The following DLC1 variants were observed in gnomAD, a reference collection of about 807,000 sequenced individuals.
The protein encoded by DLC1 is DLC1 Rho GTPase activating protein.
DLC1 carries 54 observed loss-of-function variants against 140.3 expected under a neutral mutation model. The observed-to-expected ratio is 0.38, with a 90% CI of 0.31 to 0.48. DLC1 has a LOEUF of 0.48. Ranked by LOEUF, DLC1 falls within the 20% of genes least tolerant of loss-of-function variation. DLC1 has a pLI of 0.96. For missense variants in DLC1, 2,536 were observed against 1,907.0 expected, an observed-to-expected ratio of 1.33 and a Z score of -6.14; for synonymous variants, 986 against 728.1, an observed-to-expected ratio of 1.35 and a Z score of -5.70.
chr8:13,116,255 A>T, intron 5 of DLC1: 2 of 984,476 alleles, frequency 2.0e-6, no homozygotes, highest in Non-Finnish European at 2.4e-6. Flanking sequence ...AAATCCCACA[A>T]TCTTGGCAGG....
intron 2 of DLC1, among the ~76,000 whole-genome samples, chr8:13,494,777 C>G (rs919717523): frequency 1.3e-5 from 2 of 151,990 alleles, no homozygotes; most frequent in African/African-American, 4.8e-5. Flanking sequence ...ATGGCGAAAC[C>G]CCATGTCTAC....
chr8:13,500,025 T>C lies in DLC1; in HGVS notation c.47A>G (p.His16Arg). ...RKRSWEEHVT[H>R]WMGQPFNSDD... is the part of the protein sequence containing the mutation. The stretch of plus-strand genomic sequence containing the variant: ...AGAATTAAAAGGCTGTCCCATCCAG[T>C]GGGTCACATGTTCTTCCCAGCTTCT... The change falls in exon 2 of 18, where the codon CAC becomes CGC. Residue 16 changes from histidine to arginine, a missense_variant. Transcript: ENST00000276297. 6.2e-7 allele frequency: 1 copy of C among 1,614,100 alleles called. No individual in the cohort carries two copies. The highest frequency in any genetic ancestry group is 8.5e-7 in the Non-Finnish European group (1 of 1,179,958).
At chr8:13,438,633 G>A (rs1269859628) in intron 2 of DLC1, among the ~76,000 whole-genome samples, 1 of 152,096 alleles carries the variant, frequency 6.6e-6, no homozygotes, top group African/African-American at 2.4e-5. Context: ...ATTCACAGCT[G>A]TTTTCCAAAC....
At chr8:13,402,274 C>T (rs973065434) in intron 2 of DLC1, among the ~76,000 whole-genome samples, 3 of 152,166 alleles carry the variant, frequency 2.0e-5, no homozygotes, top group African/African-American at 7.2e-5. Flanking sequence ...CTCTGTACTA[C>T]AGACATATGT....
intron 5 of DLC1, among the ~76,000 whole-genome samples, chr8:13,304,388 T>C (rs1371257977): frequency 6.6e-5 from 10 of 152,084 alleles, no homozygotes; most frequent in Non-Finnish European, 1.5e-4. Context: ...GAGAGAAAAG[T>C]TTAGCTCACA....
Position 13,348,708 on chromosome 8 carries a change from A to T in DLC1, c.1315-43406T>A, listed in dbSNP as rs115905485. Among the ~76,000 whole-genome samples, 857 of 152,298 alleles carry T rather than the reference A, an allele frequency of 5.6e-3. 5 individuals are homozygous for T. Among genetic ancestry groups the T allele is most frequent in the Middle Eastern group, 0.024 (7 of 294 alleles). ...TCAAAACACATTATAGTGAAGAAGG[A>T]AGAAAGAAAGAAAATGAATACATGA... On this transcript the variant is annotated intron_variant, in intron 4 of 17. Transcript: ENST00000276297.
intron 5 of DLC1, among the ~76,000 whole-genome samples, chr8:13,279,151 C>G (rs1265850776): frequency 6.6e-6 from 1 of 152,146 alleles, no homozygotes; most frequent in Non-Finnish European, 1.5e-5. Context: ...TAGGGTGTGG[C>G]AGAATCCTGA....
chr8:13,507,793 A>G (rs1387231390), intron 1 of DLC1, among the ~76,000 whole-genome samples: 2 of 152,194 alleles, frequency 1.3e-5, no homozygotes, highest in African/African-American at 4.8e-5. Context: ...TTACCAAATT[A>G]AAGAATAAGT....
chr8:13,142,720 C>A (rs1310338577), intron 5 of DLC1, among the ~76,000 whole-genome samples: 1 of 152,070 alleles, frequency 6.6e-6, no homozygotes, highest in Admixed American at 6.5e-5. Flanking sequence ...CTATTCTGAA[C>A]CCATGTACCC....
intron 5 of DLC1, among the ~76,000 whole-genome samples, chr8:13,185,288 T>TTTTGTTTG (rs555796835): frequency 8.0e-4 from 116 of 144,464 alleles, no homozygotes; most frequent in African/African-American, 2.9e-3. Flanking sequence ...TTTCTGTTTT[T>TTTTGTTTG]TTTGTTTGTT....
intron 1 of DLC1, among the ~76,000 whole-genome samples, chr8:13,511,704 T>A (rs1802375117): frequency 6.6e-6 from 1 of 152,150 alleles, no homozygotes; most frequent in South Asian, 2.1e-4. Flanking sequence ...TCCCTTGTCC[T>A]CTTCCAATTC....
intron 5 of DLC1, among the ~76,000 whole-genome samples, chr8:13,188,713 C>G (rs560431466): frequency 7.1e-6 from 1 of 141,074 alleles, no homozygotes; most frequent in African/African-American, 2.6e-5. Context: ...TCAGTTCAAA[C>G]AATTCTCTTG....
intron 2 of DLC1, among the ~76,000 whole-genome samples, chr8:13,426,672 T>C (rs923084053): frequency 3.7e-4 from 56 of 152,298 alleles, no homozygotes; most frequent in African/African-American, 1.3e-3. Flanking sequence ...GCAACATAGA[T>C]TTAGAAATCA....
intron 5 of DLC1, among the ~76,000 whole-genome samples, chr8:13,181,413 G>C (rs1013532405): frequency 6.6e-6 from 1 of 150,466 alleles, no homozygotes; most frequent in African/African-American, 2.5e-5. Flanking sequence ...GGTATACATG[G>C]GCCATGTTGC....
chr8:13,387,392 G>C (rs289523), intron 4 of DLC1, among the ~76,000 whole-genome samples: 128,217 of 151,916 alleles, frequency 0.84, 54,269 homozygotes, highest in East Asian at 0.98. Flanking sequence ...TATAGTATAT[G>C]ATAACATGGT....
chr8:13,329,671 A>T (rs1238098364), intron 4 of DLC1, among the ~76,000 whole-genome samples: 1 of 152,120 alleles, frequency 6.6e-6, no homozygotes, highest in Non-Finnish European at 1.5e-5. Context: ...CTAATGCAGA[A>T]TTTTTCTGAT....
intron 5 of DLC1, among the ~76,000 whole-genome samples, chr8:13,274,993 A>C (rs1831102263): frequency 6.6e-6 from 1 of 152,256 alleles, no homozygotes; most frequent in Admixed American, 6.5e-5. Context: ...TAAATAAAAA[A>C]TCATATTGGA....
intron 2 of DLC1, among the ~76,000 whole-genome samples, chr8:13,484,783 A>G (rs927686331): frequency 6.6e-6 from 1 of 151,974 alleles, no homozygotes; most frequent in Admixed American, 6.6e-5. Flanking sequence ...CCTGGAGGCC[A>G]TCTGTCATAT....
chr8:13,361,454 A>G (rs1835221602), intron 4 of DLC1, among the ~76,000 whole-genome samples: 1 of 151,668 alleles, frequency 6.6e-6, no homozygotes, highest in Admixed American at 6.6e-5. Context: ...ATCTTTTGAG[A>G]CAAGTTCCTC....
Sources: allele counts gnomAD v4.1 joint callset (sites outside exome capture counted in the v4.1 genomes callset), GRCh38; gene constraint gnomAD v4.1.1; transcripts MANE v1.5; gene names NCBI Gene and HGNC (gene_info 2026-07-23, HGNC 2026-07-21).